The following CARMIL1 variants were observed in gnomAD, a reference collection of about 807,000 sequenced individuals.
The protein encoded by CARMIL1 is capping protein regulator and myosin 1 linker 1.
A neutral mutation model predicts 177.1 loss-of-function variants in CARMIL1; 90 were observed. That is an observed-to-expected ratio of 0.51 (90% CI 0.43 to 0.61). CARMIL1 has a LOEUF of 0.61. Ranked by LOEUF, CARMIL1 falls within the 20% of genes least tolerant of loss-of-function variation. The probability of loss-of-function intolerance (pLI) is 0.00; values close to 1 mark genes in which losing one functional copy is unlikely to be tolerated. For missense variants in CARMIL1, 1,380 were observed against 1,667.0 expected (o/e 0.83, Z 3.00); for synonymous variants, 577 against 606.2 (o/e 0.95, Z 0.71).
intron 2 of CARMIL1, among the ~76,000 whole-genome samples, chr6:25,414,844 T>C (rs986710305): frequency 2.0e-5 from 3 of 152,218 alleles, no homozygotes; most frequent in African/African-American, 7.2e-5. Flanking sequence ...GGGACCATCC[T>C]GCACAAAGCT....
intron 2 of CARMIL1, among the ~76,000 whole-genome samples, chr6:25,356,990 C>T (rs1788685689): frequency 6.6e-6 from 1 of 151,368 alleles, no homozygotes; most frequent in African/African-American, 2.4e-5. Context: ...GGGTGTGGGT[C>T]TTAACTTCAG....
At chr6:25,316,852 T>TAA (rs1270062223) in intron 2 of CARMIL1, among the ~76,000 whole-genome samples, 1 of 152,200 alleles carries the variant, frequency 6.6e-6, no homozygotes, top group Non-Finnish European at 1.5e-5. Flanking sequence ...GGCCAATTGT[T>TAA]AAATCCTCAT....
At chr6:25,312,920 A>C (rs958558833) in intron 2 of CARMIL1, among the ~76,000 whole-genome samples, 8 of 149,758 alleles carry the variant, frequency 5.3e-5, no homozygotes, top group Middle Eastern at 3.4e-3. Context: ...AAAAAAAAAA[A>C]AAAAAAAAAA....
intron 29 of CARMIL1, among the ~76,000 whole-genome samples, chr6:25,580,547 T>C (rs1446915744): frequency 2.0e-5 from 3 of 152,190 alleles, no homozygotes; most frequent in Non-Finnish European, 4.4e-5. Context: ...GTTGCTTACA[T>C]TGATGTTACT....
In CARMIL1 at chr6:25,487,717, A is replaced by G. The variant is rs551087897; in HGVS notation, c.962-765A>G. On this transcript the variant is annotated intron_variant, in intron 12 of 36. Coordinates refer to ENST00000329474, the MANE Select transcript of CARMIL1 (RefSeq NM_017640.6). ...AGCTCCTTTTCCCTTCTGAAAAGAA[A>G]TGGCCCCCTAGACAACCATGACTAG... 3.9e-5 allele frequency among the ~76,000 whole-genome samples: 6 copies of G among 152,330 alleles called. No individual in the cohort carries two copies. In the South Asian group the frequency reaches 1.0e-3, roughly 26 times the overall value.
intron 36 of CARMIL1, among the ~76,000 whole-genome samples, chr6:25,610,567 A>G (rs1477466205): frequency 6.6e-6 from 1 of 152,156 alleles, no homozygotes; most frequent in Non-Finnish European, 1.5e-5. Context: ...AGTCGTGGCA[A>G]ATCAGTACTG....
intron 23 of CARMIL1, among the ~76,000 whole-genome samples, chr6:25,525,565 A>G (rs1400019250): frequency 6.6e-6 from 1 of 152,246 alleles, no homozygotes; most frequent in Non-Finnish European, 1.5e-5. Flanking sequence ...CAGAGGGAAT[A>G]AAATAAGGTA....
At chr6:25,376,519 T>C (rs1790997017) in intron 2 of CARMIL1, among the ~76,000 whole-genome samples, 1 of 152,240 alleles carries the variant, frequency 6.6e-6, no homozygotes, top group Non-Finnish European at 1.5e-5. Flanking sequence ...AATTCAGCTC[T>C]TGGTGCTTTC....
intron 24 of CARMIL1, among the ~76,000 whole-genome samples, chr6:25,537,112 A>G (rs1317748617): frequency 6.6e-6 from 1 of 152,168 alleles, no homozygotes; most frequent in Non-Finnish European, 1.5e-5. Flanking sequence ...TACCATAGAG[A>G]TCCACCATCT....
At chr6:25,478,161 G>A (rs368066819) in intron 11 of CARMIL1, among the ~76,000 whole-genome samples, 2 of 152,106 alleles carry the variant, frequency 1.3e-5, no homozygotes, top group South Asian at 2.1e-4. Flanking sequence ...CCTGAAGTAC[G>A]CTCATATTTT....
intron 2 of CARMIL1, among the ~76,000 whole-genome samples, chr6:25,339,839 C>T (rs1260115375): frequency 1.3e-5 from 2 of 152,096 alleles, no homozygotes; most frequent in African/African-American, 2.4e-5. Context: ...CCATTGGGGC[C>T]TTTATAAAGA....
intron 2 of CARMIL1, among the ~76,000 whole-genome samples, chr6:25,322,414 T>C (rs893833207): frequency 2.0e-5 from 3 of 152,240 alleles, no homozygotes; most frequent in Non-Finnish European, 4.4e-5. Flanking sequence ...TGAGACACTA[T>C]GCCCAGCCTT....
At chr6:25,502,767 G>A (rs1413108663) in intron 17 of CARMIL1, among the ~76,000 whole-genome samples, 3 of 152,156 alleles carry the variant, frequency 2.0e-5, no homozygotes, top group African/African-American at 7.2e-5. Context: ...TGAAAGAAGT[G>A]GAAATAATAT....
intron 31 of CARMIL1, among the ~76,000 whole-genome samples, chr6:25,586,021 C>A (rs1378570206): frequency 6.6e-6 from 1 of 152,198 alleles, no homozygotes; most frequent in Non-Finnish European, 1.5e-5. Flanking sequence ...TTTGACAAAA[C>A]CGCCATCATC....
rs112633701 is a variant in CARMIL1, at chr6:25,584,031, T to C, written c.3006+2592T>C. Among the ~76,000 whole-genome samples the C allele has an allele frequency of 2.5e-3, 344 of 140,130 alleles. 1 individual carries two copies. The highest frequency in any genetic ancestry group is 9.1e-3 in the African/African-American group (319 of 34,910). 91.9% of individuals were successfully genotyped at this position (140,130 alleles called of 152,430 possible). A position where few individuals can be genotyped will look rare whatever the true frequency, so the allele number is the denominator to read the frequency against. On this transcript the variant is annotated intron_variant, in intron 31 of 36. Transcript: ENST00000329474. ...TTATCTTTTCTTTTCTTTTTCTTTT[T>C]TTTTTTTTTTTTTTGAGACAGGTTC... is the stretch of plus-strand genomic sequence containing the variant.
chr6:25,282,180 G>T (rs1456502001), intron 1 of CARMIL1, among the ~76,000 whole-genome samples: 1 of 148,706 alleles, frequency 6.7e-6, no homozygotes, highest in East Asian at 2.0e-4. Flanking sequence ...ATGTAGAGAA[G>T]AATAAGAAGA....
intron 2 of CARMIL1, among the ~76,000 whole-genome samples, chr6:25,345,422 C>A (rs1354231332): frequency 2.0e-5 from 3 of 152,070 alleles, no homozygotes; most frequent in Non-Finnish European, 4.4e-5. Flanking sequence ...GTATTTGTAG[C>A]CTGGATCTCT....
Position 25,387,777 on chromosome 6 carries a change from T to A in CARMIL1, c.139-32337T>A, listed in dbSNP as rs912335122. The stretch of plus-strand genomic sequence containing the variant: ...ATACATGTGGATGGTCATGACTTTA[T>A]AATTACAATTAAAATATTTTCAGTA... On this transcript the variant is annotated intron_variant, in intron 2 of 36. Transcript: ENST00000329474. 3.3e-5 allele frequency among the ~76,000 whole-genome samples: 5 copies of A among 152,220 alleles called. No homozygotes were observed. In the South Asian group the frequency reaches 1.0e-3, roughly 32 times the overall value.
rs1355989343 is a variant in CARMIL1, at chr6:25,620,491, TA to T, written c.*909del. 1 of 152,256 alleles carries T rather than the reference TA, an allele frequency of 6.6e-6. No individual in the cohort carries two copies. Among genetic ancestry groups the T allele is most frequent in the Non-Finnish European group, 1.5e-5 (1 of 68,038 alleles). 9.4% of individuals were successfully genotyped at this position (152,256 alleles called of 1,614,324 possible). On this transcript the variant is annotated 3_prime_UTR_variant, in exon 37 of 37. Transcript: ENST00000329474. Reference sequence around the variant, plus strand: ...TTACAGGCTGGAAGTATTTTATTCATATGTATATTTATACCAATAAAATGAT... The same window carrying T: ...TTACAGGCTGGAAGTATTTTATTCATTGTATATTTATACCAATAAAATGAT...
Sources: gnomAD v4.1 joint callset for allele counts (sites outside exome capture counted in the v4.1 genomes callset) on GRCh38, gnomAD v4.1.1 for gene constraint, MANE v1.5 for transcripts, NCBI Gene and HGNC (gene_info 2026-07-23, HGNC 2026-07-21) for gene names.